The following GAN variants were observed in gnomAD, a reference collection of about 807,000 sequenced individuals.
GAN encodes gigaxonin.
Under a neutral mutation model 71.3 loss-of-function variants are expected in GAN, and 48 were observed. The observed-to-expected ratio is 0.67, with a 90% CI of 0.53 to 0.86. GAN has a LOEUF of 0.86. Among genes scored for constraint, GAN ranks in the 40% least tolerant of loss-of-function variants. GAN has a pLI of 0.00. For synonymous variants in GAN, 386 were observed against 276.8 expected, an observed-to-expected ratio of 1.39 and a Z score of -3.92; for missense variants, 928 against 770.1, an observed-to-expected ratio of 1.21 and a Z score of -2.43.
chr16:81,383,274 A>G lies in GAN; in HGVS notation c.*5678A>G, dbSNP rs1303373796. ...TTTTTTTTTTTTTTTTTTTTTTGAGACGGAGTCTCGCTCTGTCGCCTAGGC... is the reference window on the plus strand; with the variant it reads ...TTTTTTTTTTTTTTTTTTTTTTGAGGCGGAGTCTCGCTCTGTCGCCTAGGC... On this transcript the variant is annotated 3_prime_UTR_variant, in exon 11 of 11. Coordinates refer to ENST00000648994, the MANE Select transcript of GAN (RefSeq NM_022041.4). 1.1e-5 allele frequency: 1 copy of G among 92,454 alleles called. No individual in the cohort carries two copies. Among genetic ancestry groups the G allele is most frequent in the Admixed American group, 1.7e-4 (1 of 5,948 alleles). The allele number at this position is 92,454 out of a possible 1,614,324, so 5.7% of individuals were successfully genotyped here.
intron 1 of GAN, among the ~76,000 whole-genome samples, chr16:81,334,318 T>C (rs1909683161): frequency 6.6e-6 from 1 of 152,146 alleles, no homozygotes; most frequent in Admixed American, 6.6e-5. Context: ...GGGAGTTGCT[T>C]CTGCACCTCC....
At chr16:81,340,235 A>G (rs1232142294) in intron 1 of GAN, among the ~76,000 whole-genome samples, 1 of 152,224 alleles carries the variant, frequency 6.6e-6, no homozygotes, top group African/African-American at 2.4e-5. Context: ...CACTGTGCCC[A>G]GCCAAAACCT....
chr16:81,354,262 G>C (rs1028084048), intron 2 of GAN, 143 bp from the exon 3 acceptor site: 10 of 661,814 alleles, frequency 1.5e-5, no homozygotes, highest in Admixed American at 5.0e-5. Flanking sequence ...AAAAATGCTG[G>C]GTTAAACCAT....
intron 1 of GAN, among the ~76,000 whole-genome samples, chr16:81,339,077 T>C (rs1909858296): frequency 6.6e-6 from 1 of 152,232 alleles, no homozygotes; most frequent in African/African-American, 2.4e-5. Flanking sequence ...AATATTCATC[T>C]GGGATTAATT....
intron 3 of GAN, among the ~76,000 whole-genome samples, chr16:81,355,447 C>T (rs1910455320): frequency 6.6e-6 from 1 of 152,196 alleles, no homozygotes; most frequent in African/African-American, 2.4e-5. Flanking sequence ...TCACTGCAGT[C>T]CCAACCTTCC....
At chr16:81,346,943 T>A (rs1051323938) in intron 1 of GAN, among the ~76,000 whole-genome samples, 4 of 152,144 alleles carry the variant, frequency 2.6e-5, no homozygotes, top group African/African-American at 7.2e-5. Flanking sequence ...AAGGATCAGA[T>A]CCATTTTTCC....
rs1299012239 is a variant in GAN at position 81,382,374 on chromosome 16, A to G, written c.*4778A>G. 6.6e-6 allele frequency: 1 copy of G among 152,246 alleles called. No homozygotes were observed. The allele number at this position is 152,246 out of a possible 1,614,324, so 9.4% of individuals were successfully genotyped here. A position where few individuals can be genotyped will look rare whatever the true frequency, so the allele number is the denominator to read the frequency against. ...CATGTCCTTTGCTAGTTGCACAGGCATAAGCTGAAAGATCTTTGATTTTCT... is the reference window on the plus strand; with the variant it reads ...CATGTCCTTTGCTAGTTGCACAGGCGTAAGCTGAAAGATCTTTGATTTTCT... On this transcript the variant is annotated 3_prime_UTR_variant, in exon 11 of 11. Coordinates refer to ENST00000648994, the MANE Select transcript of GAN (RefSeq NM_022041.4).
At chr16:81,318,031 CTG>C (rs1245906217) in intron 1 of GAN, among the ~76,000 whole-genome samples, 1 of 152,156 alleles carries the variant, frequency 6.6e-6, no homozygotes, top group African/African-American at 2.4e-5. Context: ...TTTGACGAAT[CTG>C]TATCACTAAC....
chr16:81,315,040 G>A lies in GAN; in HGVS notation c.-74G>A. ...CCGGGCCGGGCGGGCGCGCGCGCAG[G>A]ACTCGGGCCGCTCGAGGGGTCCGGC... On this transcript the variant is annotated 5_prime_UTR_variant, in exon 1 of 11. Transcript: ENST00000648994. 1.6e-6 allele frequency: 2 copies of A among 1,224,156 alleles called. No homozygotes were observed. Among genetic ancestry groups the A allele is most frequent in the Non-Finnish European group, 2.1e-6 (2 of 941,152 alleles). 75.8% of individuals were successfully genotyped at this position (1,224,156 alleles called of 1,614,324 possible). A position where few individuals can be genotyped will look rare whatever the true frequency, so the allele number is the denominator to read the frequency against.
At chr16:81,316,146 C>CG (rs1909031812) in intron 1 of GAN, among the ~76,000 whole-genome samples, 1 of 152,124 alleles carries the variant, frequency 6.6e-6, no homozygotes, top group Admixed American at 6.5e-5. Flanking sequence ...TTGCAGGAGA[C>CG]TATCTTTTCT....
Position 81,363,920 on chromosome 16 carries a change from C to G in GAN, c.1213C>G (p.Pro405Ala), listed in dbSNP as rs912274293. The G allele has an allele frequency of 6.2e-7, 1 of 1,613,274 alleles. No homozygotes were observed. Among genetic ancestry groups the G allele is most frequent in the Non-Finnish European group, 8.5e-7 (1 of 1,179,250 alleles). The change falls in exon 7 of 11, where the codon CCT becomes GCT. Residue 405 changes from proline to alanine, a missense_variant. Physicochemically the swap from Pro to Ala is conservative, Grantham distance 27. Transcript: ENST00000648994. Reference sequence around the variant, plus strand: ...TTATTCTAAAACCTGGACAAAGCAACCTGATTTGACCATGGTCAGAAAGGT... The same window carrying G: ...TTATTCTAAAACCTGGACAAAGCAAGCTGATTTGACCATGGTCAGAAAGGT... ...DIYSKTWTKQ[P>A]DLTMVRKIGC... is the part of the protein sequence containing the mutation.
At chr16:81,348,622 C>T (rs948040469) in intron 1 of GAN, among the ~76,000 whole-genome samples, 17 of 152,152 alleles carry the variant, frequency 1.1e-4, no homozygotes, top group African/African-American at 2.2e-4. Context: ...GCCTACAGGC[C>T]GCCTCTGTTT....
intron 5 of GAN, among the ~76,000 whole-genome samples, chr16:81,360,192 C>G (rs548054602): frequency 6.6e-6 from 1 of 152,288 alleles, no homozygotes; most frequent in East Asian, 1.9e-4. Context: ...AGACTTTCCA[C>G]CTAGGATCAT....
At chr16:81,351,904 T>C (rs1910312471) in intron 2 of GAN, among the ~76,000 whole-genome samples, 1 of 152,192 alleles carries the variant, frequency 6.6e-6, no homozygotes, top group South Asian at 2.1e-4. Context: ...GGAAGTAAGA[T>C]CTTAGACTCA....
chr16:81,364,021 A>C, intron 7 of GAN, 78 bp downstream of exon 7: 1 of 1,056,848 alleles, frequency 9.5e-7, no homozygotes, highest in Non-Finnish European at 1.5e-6. Flanking sequence ...ATCCTGAATA[A>C]ACCTTTAATA....
intron 1 of GAN, among the ~76,000 whole-genome samples, chr16:81,341,680 T>A (rs1909947399): frequency 6.6e-6 from 1 of 152,284 alleles, no homozygotes; most frequent in African/African-American, 2.4e-5. Context: ...TGTAAAAACA[T>A]GCCAAATTGT....
intron 1 of GAN, among the ~76,000 whole-genome samples, chr16:81,337,694 A>G (rs531265579): frequency 1.3e-5 from 2 of 152,314 alleles, no homozygotes; most frequent in East Asian, 1.9e-4. Flanking sequence ...CATCTTCTTT[A>G]TTAGCTAGTA....
rs928022005 is a variant in GAN, at chr16:81,380,598, T to C, written c.*3002T>C. 6.6e-6 allele frequency: 1 copy of C among 152,236 alleles called. No individual in the cohort carries two copies. Among genetic ancestry groups the C allele is most frequent in the Non-Finnish European group, 1.5e-5 (1 of 68,046 alleles). The allele number at this position is 152,236 out of a possible 1,614,324, so 9.4% of individuals were successfully genotyped here. On this transcript the variant is annotated 3_prime_UTR_variant, in exon 11 of 11. Coordinates refer to ENST00000648994, the MANE Select transcript of GAN (RefSeq NM_022041.4). ...GTGTGTGTGATGCTATTTGACCTGA[T>C]AAATGTATTTGTGTTTACTTTTTGA...
intron 1 of GAN, among the ~76,000 whole-genome samples, chr16:81,316,957 C>G (rs1165442250): frequency 6.6e-6 from 1 of 152,176 alleles, no homozygotes; most frequent in Non-Finnish European, 1.5e-5. Flanking sequence ...CTTCCAGTTT[C>G]AAGCGATTCT....
Sources: gnomAD v4.1 joint callset for allele counts (sites outside exome capture counted in the v4.1 genomes callset) on GRCh38, gnomAD v4.1.1 for gene constraint, MANE v1.5 for transcripts, NCBI Gene and HGNC (gene_info 2026-07-23, HGNC 2026-07-21) for gene names.